Variants in PCDHA7 observed in about 807,000 individuals in gnomAD.
PCDHA7 encodes protocadherin alpha 7.
PCDHA7 carries 37 observed loss-of-function variants against 57.2 expected under a neutral mutation model. That is an observed-to-expected ratio of 0.65 (90% CI 0.50 to 0.85). PCDHA7 has a LOEUF of 0.85. PCDHA7 is among the 40% of genes least tolerant of loss of function. The pLI is 0.00. For missense variants in PCDHA7, 1,188 were observed against 1,241.8 expected, an observed-to-expected ratio of 0.96 and a Z score of 0.65; for synonymous variants, 553 against 558.8, an observed-to-expected ratio of 0.99 and a Z score of 0.15.
rs2150264588 is a variant in PCDHA7 at position 140,836,580 on chromosome 5, A to C, written c.2197A>C (p.Ser733Arg). 6.2e-7 allele frequency: 1 copy of C among 1,613,664 alleles called. No individual in the cohort carries two copies. Among genetic ancestry groups the C allele is most frequent in the Non-Finnish European group, 8.5e-7 (1 of 1,179,816 alleles). The change falls in exon 1 of 4, where the codon AGT (serine) becomes CGT (arginine). Residue 733 changes from serine (S) to arginine (R), a missense_variant. Physicochemically the swap from Ser to Arg is moderately radical, Grantham distance 110 (BLOSUM62 -1). Transcript: ENST00000525929. ...AGCGCCGTCCTCTGAGGGCGCATGT[A>C]GTTTGGTAAAGCCCACTCTGGTGTG... ...CSAPSSEGAC[S>R]LVKPTLVCSS... is the part of the protein sequence containing the mutation.
rs1439060369 is a variant in PCDHA7, at chr5:140,850,679, C to T, written c.2355+13941C>T. On this transcript the variant is annotated intron_variant, in intron 1 of 3. Transcript: ENST00000525929. ...TGCTGCGGTGCTCGGCGATGCCCAC[C>T]GAGGGCGAGTGCGCGCCTGGCAAGC... The T allele has an allele frequency of 1.4e-5, 22 of 1,598,378 alleles. 1 individual carries two copies. The highest frequency in any genetic ancestry group is 3.4e-5 in the Admixed American group (2 of 59,276).
At chr5:140,923,577 G>C (rs1456273088) in intron 1 of PCDHA7, among the ~76,000 whole-genome samples, 3 of 152,196 alleles carry the variant, frequency 2.0e-5, no homozygotes, top group Non-Finnish European at 4.4e-5. Context: ...CTGCTAAAGA[G>C]AAGGTTTGTT....
intron 3 of PCDHA7, among the ~76,000 whole-genome samples, chr5:140,994,850 CAT>C (rs10584145): frequency 0.01 from 1,553 of 152,082 alleles, 27 homozygotes; most frequent in African/African-American, 0.036. Flanking sequence ...AAGATGAGTG[CAT>C]TTGATGGATG....
intron 1 of PCDHA7, among the ~76,000 whole-genome samples, chr5:140,956,676 G>A (rs1281224695): frequency 5.3e-5 from 8 of 152,126 alleles, no homozygotes; most frequent in Admixed American, 2.0e-4. Flanking sequence ...GAGTTAGGGA[G>A]GAGTACCTCC....
Position 140,852,281 on chromosome 5 carries a change from T to C in PCDHA7, c.2355+15543T>C, listed in dbSNP as rs2150514779. ...ATGCTACAATATTACATGTTTTTTG[T>C]CTTTTTATTTTTCTGAGACGGAGTC... On this transcript the variant is annotated intron_variant, in intron 1 of 3. Coordinates refer to ENST00000525929, the MANE Select transcript of PCDHA7 (RefSeq NM_018910.3). 5.5e-5 allele frequency: 28 copies of C among 508,306 alleles called. 1 individual carries two copies. In the South Asian group the frequency reaches 2.0e-3, roughly 37 times the overall value. 31.5% of individuals were successfully genotyped at this position (508,306 alleles called of 1,614,324 possible).
intron 1 of PCDHA7, chr5:140,852,049 T>C (rs2042227542): frequency 2.2e-6 from 2 of 915,990 alleles, no homozygotes; most frequent in Non-Finnish European, 2.7e-6. Flanking sequence ...TGTTATGTGG[T>C]TTATATTTTT....
At chr5:140,967,506 T>G in intron 1 of PCDHA7, 7 of 1,612,946 alleles carry the variant, frequency 4.3e-6, no homozygotes, top group Non-Finnish European at 5.9e-6. Context: ...TCTGTGCGTG[T>G]CCTGGACACT....
At chr5:140,929,503 G>A in intron 1 of PCDHA7, 1 of 886,378 alleles carries the variant, frequency 1.1e-6, no homozygotes, top group Non-Finnish European at 1.6e-6. Context: ...ATTGCCCTAG[G>A]CCTCAAGGGA....
intron 1 of PCDHA7, chr5:140,850,952 A>G (rs890565160): frequency 1.3e-6 from 2 of 1,495,360 alleles, no homozygotes; most frequent in South Asian, 1.3e-5. Context: ...ATTATCGATT[A>G]CTCCCAGGGG....
chr5:140,856,028 G>T, intron 1 of PCDHA7: 1 of 1,560,948 alleles, frequency 6.4e-7, no homozygotes, highest in East Asian at 2.3e-5. Flanking sequence ...TCGTCGATTT[G>T]TAAAACAAGA....
intron 1 of PCDHA7, among the ~76,000 whole-genome samples, chr5:140,933,690 T>A (rs1382967033): frequency 1.3e-5 from 2 of 152,048 alleles, no homozygotes; most frequent in Non-Finnish European, 2.9e-5. Flanking sequence ...TTTTTCCTAT[T>A]CCTCGGACAC....
intron 1 of PCDHA7, among the ~76,000 whole-genome samples, chr5:140,939,244 A>AG: frequency 6.6e-6 from 1 of 152,270 alleles, no homozygotes; most frequent in Admixed American, 6.5e-5. Flanking sequence ...GGAGCAAGGT[A>AG]GCTCTCTGGA....
At chr5:140,951,988 A>C (rs2094668820) in intron 1 of PCDHA7, among the ~76,000 whole-genome samples, 1 of 152,226 alleles carries the variant, frequency 6.6e-6, no homozygotes, top group African/African-American at 2.4e-5. Context: ...GGGAAAAACC[A>C]GCCAAAAGAA....
At chr5:140,896,114 G>A (rs1165904850) in intron 1 of PCDHA7, among the ~76,000 whole-genome samples, 1 of 152,030 alleles carries the variant, frequency 6.6e-6, no homozygotes, top group Non-Finnish European at 1.5e-5. Context: ...CCTGGCCAAT[G>A]TACTGCATTT....
chr5:140,983,059 C>A (rs1325414567), intron 3 of PCDHA7, among the ~76,000 whole-genome samples: 3 of 151,980 alleles, frequency 2.0e-5, no homozygotes, highest in Non-Finnish European at 4.4e-5. Flanking sequence ...TTATCGGAAC[C>A]AAGGCATTGT....
chr5:141,007,394 A>G (rs2098323051), intron 3 of PCDHA7, among the ~76,000 whole-genome samples: 16 of 86,170 alleles, frequency 1.9e-4, no homozygotes, highest in Non-Finnish European at 3.5e-4. Context: ...CTACTAAAAT[A>G]CAAAAAAAAA....
intron 1 of PCDHA7, among the ~76,000 whole-genome samples, chr5:140,963,165 A>G (rs775997183): frequency 2.6e-5 from 4 of 152,110 alleles, no homozygotes; most frequent in Non-Finnish European, 5.9e-5. Flanking sequence ...GACACATGCC[A>G]TCTTACAGAT....
At chr5:140,967,239 G>C in intron 1 of PCDHA7, 1 of 1,613,672 alleles carries the variant, frequency 6.2e-7, no homozygotes, top group Non-Finnish European at 8.5e-7. Flanking sequence ...CTTCAGGTAA[G>C]CGAATCGGTG....
At chr5:140,921,834 A>G (rs2080429595) in intron 1 of PCDHA7, among the ~76,000 whole-genome samples, 1 of 152,142 alleles carries the variant, frequency 6.6e-6, no homozygotes, top group Non-Finnish European at 1.5e-5. Context: ...ATACACATAT[A>G]GACATATTTA....
Sources: gnomAD v4.1 joint callset for allele counts (sites outside exome capture counted in the v4.1 genomes callset) on GRCh38, gnomAD v4.1.1 for gene constraint, MANE v1.5 for transcripts, NCBI Gene and HGNC (gene_info 2026-07-23, HGNC 2026-07-21) for gene names.